Variants in LAMA4 observed in about 807,000 individuals in gnomAD.
LAMA4 encodes laminin subunit alpha 4, also known as laminin subunit alpha-4.
A neutral mutation model predicts 207.1 loss-of-function variants in LAMA4; 127 were observed. That is an observed-to-expected ratio of 0.61 (90% confidence interval 0.53 to 0.71). The LOEUF (loss-of-function observed/expected upper bound fraction) is 0.71. Among genes scored for constraint, LAMA4 ranks in the 30% least tolerant of loss-of-function variants. LAMA4 has a pLI of 0.00. For synonymous variants in LAMA4, 761 were observed against 816.0 expected (o/e 0.93, Z 1.15); for missense variants, 2,093 against 2,246.5 (o/e 0.93, Z 1.38).
intron 7 of LAMA4, 126 bp downstream of exon 7, chr6:112,188,984 A>C (rs1782853772): frequency 1.4e-6 from 1 of 716,386 alleles, no homozygotes; most frequent in Admixed American, 2.1e-5. Context: ...GAGGTGCAGA[A>C]AGGGTTAAGT....
At chr6:112,172,007 G>C (rs1223726761) in intron 12 of LAMA4, 1 of 154,116 alleles carries the variant, frequency 6.5e-6, no homozygotes, top group Non-Finnish European at 1.4e-5. Flanking sequence ...CCCTCTTGAT[G>C]CTGGCGGCTG....
At chr6:112,239,137 A>G (rs989606716) in intron 2 of LAMA4, among the ~76,000 whole-genome samples, 7 of 152,118 alleles carry the variant, frequency 4.6e-5, no homozygotes, top group African/African-American at 1.7e-4. Flanking sequence ...CCTGGCCAAC[A>G]TGGTGAAACC....
At chr6:112,155,897 T>C (rs1253894310) in intron 14 of LAMA4, among the ~76,000 whole-genome samples, 191 bp from the exon 15 acceptor site, 1 of 152,196 alleles carries the variant, frequency 6.6e-6, no homozygotes, top group Non-Finnish European at 1.5e-5. Flanking sequence ...CTGAACAGCA[T>C]TTTGGTTCTC....
rs1252619442 is a variant in LAMA4 at position 112,201,543 on chromosome 6, T to C, written c.503+65A>G. 2.3e-6 allele frequency: 3 copies of C among 1,281,868 alleles called. No homozygotes were observed. The African/African-American group carries it at 4.4e-5, about 19-fold the overall frequency. 79.4% of individuals were successfully genotyped at this position (1,281,868 alleles called of 1,614,324 possible). A position where few individuals can be genotyped will look rare whatever the true frequency, so the allele number is the denominator to read the frequency against. ...ACTGAATGGGAGTATGGCAGAGCTG[T>C]TGAGTGTGAGAAACAGAAAGCTTCC... On this transcript the variant is annotated intron_variant, in intron 5 of 38. Transcript: ENST00000230538.
chr6:112,249,680 T>C (rs1554189344), intron 2 of LAMA4, among the ~76,000 whole-genome samples: 2 of 152,150 alleles, frequency 1.3e-5, no homozygotes, highest in African/African-American at 4.8e-5. Context: ...TGATTTGTCA[T>C]GAAAGTTACT....
chr6:112,248,445 G>A (rs181464549), intron 2 of LAMA4, among the ~76,000 whole-genome samples: 1 of 145,892 alleles, frequency 6.9e-6, no homozygotes, highest in African/African-American at 2.6e-5. Context: ...GTTGCAGCGA[G>A]CCAAGATAGC....
At chr6:112,165,309 G>T in intron 12 of LAMA4, 33 bp from the exon 13 acceptor site, 2 of 1,372,910 alleles carry the variant, frequency 1.5e-6, no homozygotes, top group South Asian at 1.2e-5. Context: ...AGAGTGAAGT[G>T]AATATGTCTT....
intron 3 of LAMA4, among the ~76,000 whole-genome samples, chr6:112,208,997 G>A (rs1293795637): frequency 6.6e-6 from 1 of 152,052 alleles, no homozygotes; most frequent in African/African-American, 2.4e-5. Flanking sequence ...AATATTTATT[G>A]GGGAAAAATG....
At chr6:112,120,568 A>C (rs886999599) in intron 32 of LAMA4, 96 bp from the exon 33 acceptor site, 2 of 940,972 alleles carry the variant, frequency 2.1e-6, no homozygotes, top group Admixed American at 4.0e-5. Flanking sequence ...AGAATAAACA[A>C]GTAGCCATTC....
At chr6:112,128,024 T>C (rs1283156924) in intron 31 of LAMA4, among the ~76,000 whole-genome samples, 3 of 152,074 alleles carry the variant, frequency 2.0e-5, no homozygotes, top group African/African-American at 4.8e-5. Flanking sequence ...ATGTGAGTGG[T>C]TGAAGTGAAG....
At position 112,114,241 on chromosome 6, in the gene LAMA4, G is replaced by GAAT. The variant is rs34263758; in HGVS notation, c.5207-49_5207-47dup. Reference sequence around the variant, plus strand: ...TGGTCATAAGTGGCACTGGAGTGATGAATTTTTAACCTGAGAAAGACTATT... The same window carrying GAAT: ...TGGTCATAAGTGGCACTGGAGTGATGAATAATTTTTAACCTGAGAAAGACTATT... On this transcript the variant is annotated intron_variant, in intron 37 of 38. Transcript: ENST00000230538. 0.26 allele frequency: 409,263 copies of GAAT among 1,597,098 alleles called. 54,068 individuals carry two copies. The highest frequency in any genetic ancestry group is 0.31 in the East Asian group (13,914 of 44,746).
At chr6:112,164,305 G>A (rs2114826192) in intron 13 of LAMA4, 1 of 152,782 alleles carries the variant, frequency 6.5e-6, no homozygotes, top group East Asian at 1.9e-4. Flanking sequence ...TGTGGCCAGA[G>A]AATTACTGGA....
intron 3 of LAMA4, among the ~76,000 whole-genome samples, chr6:112,213,051 A>G (rs1784439454): frequency 6.6e-6 from 1 of 152,212 alleles, no homozygotes; most frequent in Non-Finnish European, 1.5e-5. Context: ...TTCCCTTCTC[A>G]TTGTGCCTAG....
rs1374491023 is a variant in LAMA4 at position 112,178,225 on chromosome 6, T to G, written c.1085A>C (p.Gln362Pro). Reference sequence around the variant, plus strand: ...AACAAGTTGTCCTTTTCTGGAGGCTTGATTTTCCTACAAATAATCCGTATA... The same window carrying G: ...AACAAGTTGTCCTTTTCTGGAGGCTGGATTTTCCTACAAATAATCCGTATA... The part of the protein sequence containing the change: ...DVEELVEKEN[Q>P]ASRKGQLVQK... Residue 362 changes from glutamine (Q) to proline (P), a missense_variant, in exon 10 of 39, where the codon CAA becomes CCA. Physicochemically the swap from Gln to Pro is moderately conservative, Grantham distance 76. Transcript: ENST00000230538. 1 of 1,610,932 alleles carries G rather than the reference T, an allele frequency of 6.2e-7. No individual in the cohort carries two copies. Among genetic ancestry groups the G allele is most frequent in the Non-Finnish European group, 8.5e-7 (1 of 1,177,246 alleles).
chr6:112,193,753 T>G (rs966459360), intron 5 of LAMA4, among the ~76,000 whole-genome samples: 1 of 152,200 alleles, frequency 6.6e-6, no homozygotes. Context: ...AAAGTCACAG[T>G]GCAAGGTCCA....
intron 6 of LAMA4, among the ~76,000 whole-genome samples, chr6:112,190,578 ACT>A (rs1782959668): frequency 6.6e-6 from 1 of 152,088 alleles, no homozygotes; most frequent in African/African-American, 2.4e-5. Context: ...GCCTTCCTGT[ACT>A]CTTAGAGGAA....
chr6:112,196,189 C>A (rs1278932014), intron 5 of LAMA4, among the ~76,000 whole-genome samples: 2 of 152,038 alleles, frequency 1.3e-5, no homozygotes, highest in Non-Finnish European at 2.9e-5. Flanking sequence ...CATTCAGAAT[C>A]CTCTTTTCTA....
Position 112,130,050 on chromosome 6 carries a change from A to C in LAMA4, c.3969-10T>G. ...TACTATCAGTTCATATCTGCAAAAGAAAAAGGCTTCTTTACATACCACAGA... is the reference window on the plus strand; with the variant it reads ...TACTATCAGTTCATATCTGCAAAAGCAAAAGGCTTCTTTACATACCACAGA... On this transcript the variant is annotated splice_polypyrimidine_tract_variant and intron_variant, in intron 29 of 38. Coordinates refer to ENST00000230538, the MANE Select transcript of LAMA4 (RefSeq NM_001105206.3). 6.2e-7 allele frequency: 1 copy of C among 1,611,116 alleles called. No homozygotes were observed. Among genetic ancestry groups the C allele is most frequent in the South Asian group, 1.1e-5 (1 of 91,022 alleles).
intron 13 of LAMA4, among the ~76,000 whole-genome samples, chr6:112,161,745 T>C (rs571757876): frequency 6.6e-6 from 1 of 152,212 alleles, no homozygotes; most frequent in East Asian, 1.9e-4. Context: ...AAGGGGTTCA[T>C]TTGGATGTCA....
Sources: gnomAD v4.1 joint callset for allele counts (sites outside exome capture counted in the v4.1 genomes callset) on GRCh38, gnomAD v4.1.1 for gene constraint, MANE v1.5 for transcripts, NCBI Gene and HGNC (gene_info 2026-07-23, HGNC 2026-07-21) for gene names.